The following RNF13 variants were observed in gnomAD, a reference collection of about 807,000 sequenced individuals.
RNF13 encodes E3 ubiquitin-protein ligase RNF13.
RNF13 carries 19 observed loss-of-function variants against 37.7 expected under a neutral mutation model. The observed-to-expected ratio is 0.50, with a 90% CI of 0.35 to 0.74. The LOEUF is 0.74. Ranked by LOEUF, RNF13 falls within the 30% of genes least tolerant of loss-of-function variation. The pLI is 0.01. For synonymous variants in RNF13, 144 were observed against 157.8 expected, an observed-to-expected ratio of 0.91 and a Z score of 0.65; for missense variants, 375 against 453.0, an observed-to-expected ratio of 0.83 and a Z score of 1.56.
chr3:149,960,663 A>G (rs961165556), intron 9 of RNF13, 77 bp from the exon 10 acceptor site: 18 of 1,411,630 alleles, frequency 1.3e-5, no homozygotes, highest in African/African-American at 2.9e-5. Context: ...AGAACACTGA[A>G]TAAATATGGC....
At position 149,871,057 on chromosome 3, in the gene RNF13, T is replaced by C. The variant is rs867322415; in HGVS notation, c.196-972T>C. Among the ~76,000 whole-genome samples the C allele has an allele frequency of 1.7e-3, 247 of 149,184 alleles. 1 individual carries two copies. Among genetic ancestry groups the C allele is most frequent in the Middle Eastern group, 7.0e-3 (2 of 284 alleles). ...CAGATTTTTTTTTTTTTTTTTTTTT[T>C]CCGAGACGGAGTTTCGCTCTATCGC... On this transcript the variant is annotated intron_variant, in intron 3 of 9. Coordinates refer to ENST00000392894, the MANE Select transcript of RNF13 (RefSeq NM_183381.3).
intron 8 of RNF13, chr3:149,939,369 G>T: frequency 2.1e-6 from 1 of 482,584 alleles, no homozygotes; most frequent in South Asian, 1.6e-5. Context: ...GCCACCTCCG[G>T]GGGCAGATCG....
intron 8 of RNF13, among the ~76,000 whole-genome samples, chr3:149,945,773 C>A (rs1281713480): frequency 1.3e-5 from 2 of 152,216 alleles, no homozygotes. Context: ...ATTCGCTGTA[C>A]TGCAGCCTCC....
intron 3 of RNF13, among the ~76,000 whole-genome samples, chr3:149,867,375 C>T (rs915197945): frequency 2.0e-5 from 3 of 151,796 alleles, no homozygotes; most frequent in Non-Finnish European, 4.4e-5. Flanking sequence ...ACACCATTCT[C>T]CTGCCTCAGC....
chr3:149,900,892 A>C (rs1351649445), intron 5 of RNF13, among the ~76,000 whole-genome samples: 1 of 152,040 alleles, frequency 6.6e-6, no homozygotes, highest in African/African-American at 2.4e-5. Flanking sequence ...TTGAACGTTT[A>C]TATTTGCATA....
intron 1 of RNF13, among the ~76,000 whole-genome samples, chr3:149,823,712 G>A (rs1013316161): frequency 3.3e-5 from 5 of 151,902 alleles, no homozygotes; most frequent in African/African-American, 1.2e-4. Context: ...GAACAACAAG[G>A]GAAAATCTTT....
At chr3:149,908,727 GTGTGGCTGTAAATCCAC>G (rs1265778751) in intron 6 of RNF13, among the ~76,000 whole-genome samples, 1 of 152,240 alleles carries the variant, frequency 6.6e-6, no homozygotes, top group African/African-American at 2.4e-5. Flanking sequence ...AGGCTCTGCT[GTGTGGCTGTAAATCCAC>G]TGAGGCTTAG....
intron 1 of RNF13, among the ~76,000 whole-genome samples, chr3:149,829,274 A>G (rs1720808313): frequency 6.6e-6 from 1 of 151,740 alleles, no homozygotes; most frequent in Non-Finnish European, 1.5e-5. Flanking sequence ...TAATTTTTGT[A>G]TTTTTAGTAG....
intron 1 of RNF13, among the ~76,000 whole-genome samples, chr3:149,842,318 A>T (rs1031292138): frequency 6.6e-6 from 1 of 152,058 alleles, no homozygotes; most frequent in African/African-American, 2.4e-5. Context: ...TTACTTTCTC[A>T]CTGTGGTCTT....
intron 6 of RNF13, among the ~76,000 whole-genome samples, chr3:149,910,195 G>C (rs1171798359): frequency 6.6e-6 from 1 of 152,118 alleles, no homozygotes; most frequent in Non-Finnish European, 1.5e-5. Flanking sequence ...CCGGGAACAG[G>C]GATATTAATT....
At chr3:149,947,217 G>C (rs1049610597) in intron 8 of RNF13, among the ~76,000 whole-genome samples, 2 of 152,064 alleles carry the variant, frequency 1.3e-5, no homozygotes, top group Non-Finnish European at 2.9e-5. Flanking sequence ...ATGTGCGTTT[G>C]AGAATGTGTA....
intron 3 of RNF13, among the ~76,000 whole-genome samples, chr3:149,863,472 T>C (rs1724489458): frequency 6.6e-6 from 1 of 152,154 alleles, no homozygotes; most frequent in Non-Finnish European, 1.5e-5. Flanking sequence ...CTATGCCTCC[T>C]GGGTTCAAGC....
At chr3:149,842,886 A>G (rs1053937053) in intron 1 of RNF13, among the ~76,000 whole-genome samples, 2 of 152,250 alleles carry the variant, frequency 1.3e-5, no homozygotes, top group South Asian at 2.1e-4. Context: ...ATGGACAGCT[A>G]TCTGCAATGG....
intron 8 of RNF13, among the ~76,000 whole-genome samples, chr3:149,958,404 A>G (rs1212356186): frequency 6.6e-6 from 1 of 152,040 alleles, no homozygotes; most frequent in Non-Finnish European, 1.5e-5. Flanking sequence ...CTCCCTGACC[A>G]TTCATCTGTA....
chr3:149,869,609 A>C (rs1711775917), intron 3 of RNF13, among the ~76,000 whole-genome samples: 1 of 148,882 alleles, frequency 6.7e-6, no homozygotes, highest in Non-Finnish European at 1.5e-5. Context: ...CCGCCTCAGA[A>C]AAAAAAAAAA....
At chr3:149,917,654 T>C (rs1717683513) in intron 7 of RNF13, among the ~76,000 whole-genome samples, 1 of 152,224 alleles carries the variant, frequency 6.6e-6, no homozygotes, top group Non-Finnish European at 1.5e-5. Flanking sequence ...AAATATGTAT[T>C]TTTTTCTATT....
intron 5 of RNF13, among the ~76,000 whole-genome samples, chr3:149,897,655 G>A (rs889304919): frequency 2.6e-5 from 4 of 152,056 alleles, no homozygotes; most frequent in South Asian, 4.1e-4. Context: ...GTGTTTAAAC[G>A]TTTTATATGT....
rs1722421567 is a variant in RNF13, at chr3:149,961,456, C to T, written c.*352C>T. On this transcript the variant is annotated 3_prime_UTR_variant, in exon 10 of 10. Coordinates refer to ENST00000392894, the MANE Select transcript of RNF13 (RefSeq NM_183381.3). ...TTATACATGAGGTCAGTGCTACAGC[C>T]ACCTAGCATGAACTAACCCAGCTTC... 2.4e-6 allele frequency: 1 copy of T among 425,508 alleles called. No individual in the cohort carries two copies. Among genetic ancestry groups the T allele is most frequent in the South Asian group, 1.8e-5 (1 of 55,610 alleles). 26.4% of individuals were successfully genotyped at this position (425,508 alleles called of 1,614,324 possible). A position where few individuals can be genotyped will look rare whatever the true frequency, so the allele number is the denominator to read the frequency against.
chr3:149,855,184 TG>T (rs1723524502), intron 3 of RNF13, among the ~76,000 whole-genome samples: 2 of 152,268 alleles, frequency 1.3e-5, no homozygotes, highest in Admixed American at 1.3e-4. Flanking sequence ...CTGGGCATGG[TG>T]GCGCAAGCCT....
Sources: allele counts gnomAD v4.1 joint callset (sites outside exome capture counted in the v4.1 genomes callset), GRCh38; gene constraint gnomAD v4.1.1; transcripts MANE v1.5; gene names NCBI Gene and HGNC (gene_info 2026-07-23, HGNC 2026-07-21).